ITPR1: variants seen among roughly 807,000 people sequenced by gnomAD.
ITPR1 encodes the protein inositol 1,4,5-trisphosphate receptor type 1.
ITPR1 carries 96 observed loss-of-function variants against 318.4 expected under a neutral mutation model. The observed-to-expected ratio is 0.30, with a 90% CI of 0.26 to 0.36. The LOEUF (loss-of-function observed/expected upper bound fraction) is 0.36. ITPR1 is among the 10% of genes least tolerant of loss of function. The pLI is 1.00. For synonymous variants in ITPR1, 1,312 were observed against 1,289.9 expected (o/e 1.02, Z -0.37); for missense variants, 2,440 against 3,460.2 (o/e 0.71, Z 7.40).
chr3:4,499,053 C>T (rs78357509), intron 2 of ITPR1, among the ~76,000 whole-genome samples: 4,046 of 152,166 alleles, frequency 0.027, 181 homozygotes, highest in African/African-American at 0.092. Flanking sequence ...ACTCAGGGGA[C>T]GGAGGCAGGA....
chr3:4,837,494 A>G (rs1185048908), intron 61 of ITPR1, among the ~76,000 whole-genome samples: 1 of 151,556 alleles, frequency 6.6e-6, no homozygotes, highest in Non-Finnish European at 1.5e-5. Flanking sequence ...ATATAGACAT[A>G]CTCCCTGATC....
intron 5 of ITPR1, among the ~76,000 whole-genome samples, chr3:4,636,791 C>G (rs548637416): frequency 6.6e-6 from 1 of 152,334 alleles, no homozygotes; most frequent in Non-Finnish European, 1.5e-5. Flanking sequence ...TTTTAATTTT[C>G]TGTTCTTCTC....
intron 4 of ITPR1, among the ~76,000 whole-genome samples, chr3:4,584,588 A>ATTT (rs2089687255): frequency 2.7e-5 from 4 of 150,872 alleles, no homozygotes; most frequent in African/African-American, 9.8e-5. Context: ...AGGAAGTTGA[A>ATTT]TTTATTAAGA....
At chr3:4,831,892 T>G (rs1028607265) in intron 60 of ITPR1, among the ~76,000 whole-genome samples, 25 of 152,378 alleles carry the variant, frequency 1.6e-4, no homozygotes, top group African/African-American at 5.8e-4. Context: ...TCTAAACATT[T>G]GCACTTTGAG....
intron 54 of ITPR1, among the ~76,000 whole-genome samples, chr3:4,801,781 CAAAT>C (rs1344248395): frequency 3.3e-5 from 5 of 151,666 alleles, no homozygotes; most frequent in Admixed American, 6.6e-5. Flanking sequence ...AATAAATGAA[CAAAT>C]AAATAAATAA....
At chr3:4,694,174 A>G (rs1378468086) in intron 33 of ITPR1, among the ~76,000 whole-genome samples, 1 of 151,312 alleles carries the variant, frequency 6.6e-6, no homozygotes, top group Non-Finnish European at 1.5e-5. Context: ...AACTACAGAC[A>G]ATCAATTAAA....
In ITPR1 at chr3:4,705,717, T is replaced by C. The variant is rs191801957; in HGVS notation, c.4658-450T>C. Among the ~76,000 whole-genome samples the C allele has an allele frequency of 1.8e-3, 268 of 152,328 alleles. 1 individual carries two copies. The highest frequency in any genetic ancestry group is 5.9e-3 in the African/African-American group (246 of 41,580). ...ATCCAGAAAGAGGAGTTTATGCCAT[T>C]GTGAATGCTACCTTTAGGATTATGT... On this transcript the variant is annotated intron_variant, in intron 36 of 61. Transcript: ENST00000649015.
At position 4,672,499 on chromosome 3, in the gene ITPR1, T is replaced by A. The variant is rs150040255; in HGVS notation, c.2205-637T>A. Among the ~76,000 whole-genome samples the A allele has an allele frequency of 8.6e-3, 1,313 of 152,362 alleles. 16 individuals are homozygous for A. The highest frequency in any genetic ancestry group is 0.028 in the African/African-American group (1,147 of 41,588). ...TTCTCGTTATTTCACATTTCAAGTA[T>A]GTTTACTCTTTCAGTGTTTGATGAA... is the stretch of plus-strand genomic sequence containing the variant. On this transcript the variant is annotated intron_variant, in intron 20 of 61. Transcript: ENST00000649015.
chr3:4,556,820 A>C (rs2086177222), intron 4 of ITPR1, among the ~76,000 whole-genome samples: 1 of 152,142 alleles, frequency 6.6e-6, no homozygotes. Flanking sequence ...AGCTTATTTG[A>C]GTAAATACCA....
At chr3:4,745,844 G>T (rs1443968503) in intron 44 of ITPR1, among the ~76,000 whole-genome samples, 1 of 152,110 alleles carries the variant, frequency 6.6e-6, no homozygotes, top group Non-Finnish European at 1.5e-5. Flanking sequence ...GCCCTCTCGT[G>T]TTCCATAGCT....
At chr3:4,683,995 C>T (rs1433598464) in intron 28 of ITPR1, among the ~76,000 whole-genome samples, 197 bp downstream of exon 28, 2 of 152,168 alleles carry the variant, frequency 1.3e-5, no homozygotes, top group Non-Finnish European at 2.9e-5. Context: ...CCTGTGCAGC[C>T]TTGGACCATG....
intron 4 of ITPR1, among the ~76,000 whole-genome samples, chr3:4,581,554 C>A (rs1389259246): frequency 6.6e-6 from 1 of 152,182 alleles, no homozygotes; most frequent in East Asian, 1.9e-4. Flanking sequence ...GAGTCTGGGA[C>A]AACAAGCAAC....
At chr3:4,603,034 A>C (rs1348896351) in intron 4 of ITPR1, among the ~76,000 whole-genome samples, 3 of 152,182 alleles carry the variant, frequency 2.0e-5, no homozygotes, top group African/African-American at 7.2e-5. Flanking sequence ...AAAAATGTTC[A>C]AGCTTACTGG....
At chr3:4,748,991 G>A (rs2044307425) in intron 44 of ITPR1, among the ~76,000 whole-genome samples, 1 of 152,208 alleles carries the variant, frequency 6.6e-6, no homozygotes. Context: ...GGCTAGTGGG[G>A]TTTGGCTGAC....
chr3:4,677,593 G>A (rs1012543016), intron 24 of ITPR1, among the ~76,000 whole-genome samples: 1 of 152,182 alleles, frequency 6.6e-6, no homozygotes, highest in East Asian at 1.9e-4. Flanking sequence ...GGTTCAAGAG[G>A]GAATGGGAGA....
intron 33 of ITPR1, 88 bp from the exon 34 acceptor site, chr3:4,697,059 C>T: frequency 8.3e-7 from 1 of 1,209,810 alleles, no homozygotes; most frequent in Non-Finnish European, 1.2e-6. Flanking sequence ...TGACCATTTT[C>T]ATCGGTCCTT....
chr3:4,512,894 G>A (rs1459788953), intron 2 of ITPR1, among the ~76,000 whole-genome samples: 1 of 152,130 alleles, frequency 6.6e-6, no homozygotes, highest in Admixed American at 6.5e-5. Context: ...CCAGGGTGGA[G>A]TGCGGGAGCT....
intron 44 of ITPR1, among the ~76,000 whole-genome samples, chr3:4,745,564 C>T (rs550106457): frequency 2.1e-4 from 32 of 152,182 alleles, no homozygotes; most frequent in Non-Finnish European, 1.8e-4. Flanking sequence ...AGGGCATATA[C>T]GGTTGACCTT....
At chr3:4,686,990 T>C (rs151182575) in intron 30 of ITPR1, among the ~76,000 whole-genome samples, 2 of 152,372 alleles carry the variant, frequency 1.3e-5, no homozygotes, top group East Asian at 3.9e-4. Context: ...TTAATGTCCT[T>C]GTAAATTCTC....
Sources: allele counts gnomAD v4.1 joint callset (sites outside exome capture counted in the v4.1 genomes callset), GRCh38; gene constraint gnomAD v4.1.1; transcripts MANE v1.5; gene names NCBI Gene and HGNC (gene_info 2026-07-23, HGNC 2026-07-21).